The following FBRSL1 variants were observed in gnomAD, a reference collection of about 807,000 sequenced individuals.
The protein encoded by FBRSL1 is fibrosin like 1.
FBRSL1 carries 51 observed loss-of-function variants against 89.6 expected under a neutral mutation model. That is an observed-to-expected ratio of 0.57 (90% CI 0.45 to 0.72). The LOEUF (loss-of-function observed/expected upper bound fraction) is 0.72, where lower values mean the gene tolerates loss of function less well. Among genes scored for constraint, FBRSL1 ranks in the 30% least tolerant of loss-of-function variants. FBRSL1 has a pLI of 0.00. For synonymous variants in FBRSL1, 779 were observed against 681.1 expected (o/e 1.14, Z -2.24); for missense variants, 1,618 against 1,451.8 (o/e 1.11, Z -1.86).
intron 5 of FBRSL1, chr12:132,565,388 G>A (rs78224786): frequency 1.4e-3 from 208 of 152,270 alleles, no homozygotes; most frequent in African/African-American, 4.6e-3. Context: ...ACACACATGT[G>A]ATGCTCATGT....
At chr12:132,544,815 G>A (rs2037548045) in intron 4 of FBRSL1, among the ~76,000 whole-genome samples, 1 of 151,868 alleles carries the variant, frequency 6.6e-6, no homozygotes, top group East Asian at 2.0e-4. Context: ...TGGCGAGGAT[G>A]ATGGTGAAAA....
At chr12:132,507,890 C>T (rs888195592) in intron 1 of FBRSL1, among the ~76,000 whole-genome samples, 1 of 152,126 alleles carries the variant, frequency 6.6e-6, no homozygotes, top group Non-Finnish European at 1.5e-5. Flanking sequence ...TGGAGACTCC[C>T]TGCTGGACTA....
At chr12:132,568,043 G>A (rs569629504) in intron 6 of FBRSL1, among the ~76,000 whole-genome samples, 4 of 148,104 alleles carry the variant, frequency 2.7e-5, no homozygotes, top group Non-Finnish European at 5.9e-5. Flanking sequence ...TCCAGAGGGG[G>A]TAGCCCCGGC....
intron 1 of FBRSL1, among the ~76,000 whole-genome samples, chr12:132,492,088 T>TACGTGTACTGAGCAATACTGC (rs1211631998): frequency 1.3e-5 from 2 of 152,212 alleles, no homozygotes; most frequent in East Asian, 1.9e-4. Flanking sequence ...ACACAGACTG[T>TACGTGTACTGAGCAATACTGC]ACGTGTACTG....
At chr12:132,521,577 A>G (rs1285003768) in intron 2 of FBRSL1, among the ~76,000 whole-genome samples, 1 of 152,170 alleles carries the variant, frequency 6.6e-6, no homozygotes, top group East Asian at 1.9e-4. Context: ...GGCTGGAGGC[A>G]TCGTGGCCGG....
rs1176339244 is a variant in FBRSL1, at chr12:132,584,427, CTT to C, written c.*651_*652del. 6.6e-6 allele frequency: 1 copy of C among 152,308 alleles called. No individual in the cohort carries two copies. The highest frequency in any genetic ancestry group is 2.1e-4 in the South Asian group (1 of 4,830). The allele number at this position is 152,308 out of a possible 1,614,324, so 9.4% of individuals were successfully genotyped here. A position where few individuals can be genotyped will look rare whatever the true frequency, so the allele number is the denominator to read the frequency against. ...TTACTAAATTCTTAATCTAGATAGACTTTATAAAAACCGTTTCCAGAAACCCC... is the reference window on the plus strand; with the variant it reads ...TTACTAAATTCTTAATCTAGATAGACTATAAAAACCGTTTCCAGAAACCCC... On this transcript the variant is annotated 3_prime_UTR_variant, in exon 19 of 19. Coordinates refer to ENST00000680143, the MANE Select transcript of FBRSL1 (RefSeq NM_001367871.1).
At chr12:132,555,891 A>G (rs1286507158) in intron 5 of FBRSL1, among the ~76,000 whole-genome samples, 1 of 151,886 alleles carries the variant, frequency 6.6e-6, no homozygotes, top group Non-Finnish European at 1.5e-5. Context: ...CCCCGCAGGC[A>G]CTCGTGCCTG....
At chr12:132,556,705 TCCAACCC>T (rs2038690954) in intron 5 of FBRSL1, among the ~76,000 whole-genome samples, 2 of 47,470 alleles carry the variant, frequency 4.2e-5, no homozygotes, top group Non-Finnish European at 8.0e-5. Context: ...TCATGCTGCC[TCCAACCC>T]CTGTCCTGTG....
chr12:132,556,506 C>T (rs1448001638), intron 5 of FBRSL1, among the ~76,000 whole-genome samples: 1 of 127,670 alleles, frequency 7.8e-6, no homozygotes, highest in Admixed American at 7.5e-5. Flanking sequence ...ACCCCAACCC[C>T]TGTCCTGTGG....
chr12:132,582,321 C>T (rs1299583775), intron 18 of FBRSL1, 55 bp downstream of exon 18: 6 of 1,456,488 alleles, frequency 4.1e-6, no homozygotes, highest in East Asian at 2.5e-5. Flanking sequence ...CCGTTCTTTC[C>T]CCCCTCCCGT....
At chr12:132,505,347 G>A (rs963154708) in intron 1 of FBRSL1, among the ~76,000 whole-genome samples, 1 of 152,144 alleles carries the variant, frequency 6.6e-6, no homozygotes, top group African/African-American at 2.4e-5. Context: ...GGTTGGCACC[G>A]CCCATGGGGT....
chr12:132,508,856 A>G (rs2034000859), intron 2 of FBRSL1, among the ~76,000 whole-genome samples: 2 of 152,194 alleles, frequency 1.3e-5, no homozygotes, highest in Admixed American at 1.3e-4. Flanking sequence ...CCAGCTGGGA[A>G]CAGGGCTCTG....
chr12:132,535,858 G>A (rs1463816988), intron 4 of FBRSL1, among the ~76,000 whole-genome samples: 4 of 150,704 alleles, frequency 2.7e-5, no homozygotes, highest in African/African-American at 4.9e-5. Context: ...GTGAGTGCAC[G>A]TGTGTCCATG....
At position 132,583,160 on chromosome 12, in the gene FBRSL1, C is replaced by T. The variant is rs1033158590; in HGVS notation, c.2391C>T (p.Pro797=). The change falls in exon 19 of 19, where the codon CCC becomes CCT. Residue 797 remains proline (P), a synonymous_variant. Coordinates refer to ENST00000680143, the MANE Select transcript of FBRSL1 (RefSeq NM_001367871.1). The stretch of plus-strand genomic sequence containing the variant: ...CCAAGGAGGAGGCCGCCAAGATGCC[C>T]GCGCGCGCATCCCCGCCCCACAGCA... ...SPAKEEAAKM[P]ARASPPHSKA... 1 of 1,461,628 alleles carries T rather than the reference C, an allele frequency of 6.8e-7. No individual in the cohort carries two copies. 90.5% of individuals were successfully genotyped at this position (1,461,628 alleles called of 1,614,324 possible). A position where few individuals can be genotyped will look rare whatever the true frequency, so the allele number is the denominator to read the frequency against.
intron 8 of FBRSL1, 23 bp downstream of exon 8, chr12:132,570,563 C>G: frequency 6.8e-7 from 1 of 1,481,404 alleles, no homozygotes. Context: ...GCCACAATCT[C>G]GCCCAGGGCA....
intron 4 of FBRSL1, 51 bp from the exon 5 acceptor site, chr12:132,547,952 T>C: frequency 6.5e-7 from 1 of 1,545,958 alleles, no homozygotes; most frequent in Non-Finnish European, 8.7e-7. Flanking sequence ...CCCCGGGGGG[T>C]GACACTGGTT....
intron 5 of FBRSL1, chr12:132,554,086 G>A (rs1417003529): frequency 2.0e-5 from 3 of 152,322 alleles, no homozygotes; most frequent in African/African-American, 7.2e-5. Context: ...CAGAAGTCCA[G>A]AGAAGGGGCT....
In FBRSL1 at chr12:132,581,541, C is replaced by G. The variant is rs542876270; in HGVS notation, c.1912+25C>G. ...GGTGGGTGTCTCTGAATTCAGCCCA[C>G]GCAGCCTGGCTGGTTCCTCAGCAGC... On this transcript the variant is annotated intron_variant, in intron 16 of 18. Transcript: ENST00000680143. The G allele has an allele frequency of 1.1e-5, 17 of 1,549,144 alleles. No individual in the cohort carries two copies. In the South Asian group the frequency reaches 1.8e-4, roughly 16 times the overall value.
At chr12:132,524,652 C>G (rs1204741163) in intron 2 of FBRSL1, among the ~76,000 whole-genome samples, 2 of 152,104 alleles carry the variant, frequency 1.3e-5, no homozygotes, top group African/African-American at 4.8e-5. Context: ...GCCTGGGGGC[C>G]CAGATGTGCT....
Sources: allele counts gnomAD v4.1 joint callset (sites outside exome capture counted in the v4.1 genomes callset), GRCh38; gene constraint gnomAD v4.1.1; transcripts MANE v1.5; gene names NCBI Gene and HGNC (gene_info 2026-07-23, HGNC 2026-07-21).